Variants in SLC25A24 observed in about 807,000 individuals in gnomAD.
SLC25A24 encodes the protein solute carrier family 25 member 24, also known as mitochondrial adenyl nucleotide antiporter SLC25A24.
Under a neutral mutation model 60.7 loss-of-function variants are expected in SLC25A24, and 49 were observed. The ratio of observed to expected loss-of-function variants is 0.81; its 90% CI spans 0.64 to 1.02. The LOEUF (loss-of-function observed/expected upper bound fraction) is 1.02, where lower values mean the gene tolerates loss of function less well. Ranked by LOEUF, SLC25A24 falls within the 50% of genes least tolerant of loss-of-function variation. SLC25A24 has a pLI of 0.00. For missense variants in SLC25A24, 564 were observed against 586.3 expected (o/e 0.96, Z 0.39); for synonymous variants, 202 against 200.6 (o/e 1.01, Z -0.06).
chr1:108,199,737 C>A (rs571690711), intron 1 of SLC25A24: 2 of 590,410 alleles, frequency 3.4e-6, no homozygotes, highest in Non-Finnish European at 6.0e-6. Flanking sequence ...TTTATCTGGA[C>A]AAATACCAGT....
chr1:108,180,112 C>A lies in SLC25A24; in HGVS notation c.398+1829G>T, dbSNP rs532414436. Among the ~76,000 whole-genome samples the A allele has an allele frequency of 3.9e-5, 6 of 152,090 alleles. No individual in the cohort carries two copies. The South Asian group carries it at 1.2e-3, about 32-fold the overall frequency. On this transcript the variant is annotated intron_variant, in intron 3 of 9. Coordinates refer to ENST00000565488, the MANE Select transcript of SLC25A24 (RefSeq NM_013386.5). ...GGTGCGGTGGCTCACTTCTGTAATCCCAGCACTTTGGGAGGCCAAGATGGG... is the reference window on the plus strand; with the variant it reads ...GGTGCGGTGGCTCACTTCTGTAATCACAGCACTTTGGGAGGCCAAGATGGG...
chr1:108,190,189 G>A (rs547110284), intron 1 of SLC25A24, among the ~76,000 whole-genome samples: 156 of 152,270 alleles, frequency 1.0e-3, no homozygotes, highest in African/African-American at 3.7e-3. Flanking sequence ...GAGAAAAAGG[G>A]AAGGCTTCAG....
At chr1:108,186,208 A>G (rs1383325418) in intron 1 of SLC25A24, among the ~76,000 whole-genome samples, 2 of 152,230 alleles carry the variant, frequency 1.3e-5, no homozygotes, top group Admixed American at 1.3e-4. Flanking sequence ...TGACATTTTT[A>G]AAGCTAATCT....
At chr1:108,187,927 G>GATATAT (rs57513025) in intron 1 of SLC25A24, among the ~76,000 whole-genome samples, 3,191 of 95,772 alleles carry the variant, frequency 0.033, 182 homozygotes, top group Admixed American at 0.04. Context: ...AGACATTATA[G>GATATAT]ATATATATAT....
intron 7 of SLC25A24, among the ~76,000 whole-genome samples, chr1:108,147,066 C>T (rs1679623761): frequency 6.6e-6 from 1 of 152,094 alleles, no homozygotes; most frequent in Admixed American, 6.5e-5. Flanking sequence ...GGTTGGTAGG[C>T]TATTAATTAC....
Position 108,194,073 on chromosome 1 carries a change from C to T in SLC25A24, c.183+5883G>A, listed in dbSNP as rs1412722212. On this transcript the variant is annotated intron_variant, in intron 1 of 9. Transcript: ENST00000565488. Reference sequence around the variant, plus strand: ...CCCTAAAAAGTTGAATATTAAAATTCAAAAAGAAAATTTAATTTAGCCATT... The same window carrying T: ...CCCTAAAAAGTTGAATATTAAAATTTAAAAAGAAAATTTAATTTAGCCATT... Among the ~76,000 whole-genome samples the T allele has an allele frequency of 4.3e-5, 6 of 138,806 alleles. 1 individual carries two copies. Among genetic ancestry groups the T allele is most frequent in the African/African-American group, 1.3e-4 (5 of 39,976 alleles). 91.1% of individuals were successfully genotyped at this position (138,806 alleles called of 152,430 possible).
chr1:108,181,260 T>C (rs1417201784), intron 3 of SLC25A24, among the ~76,000 whole-genome samples: 2 of 151,628 alleles, frequency 1.3e-5, no homozygotes, highest in African/African-American at 4.9e-5. Context: ...ATGTGAGGAC[T>C]GAAAATATTC....
chr1:108,158,580 C>T (rs1235356234), intron 4 of SLC25A24, among the ~76,000 whole-genome samples: 1 of 151,838 alleles, frequency 6.6e-6, no homozygotes, highest in East Asian at 1.9e-4. Context: ...CACTAATCAC[C>T]AACAATTTTA....
At chr1:108,165,663 CTTTTA>C (rs1680231668) in intron 3 of SLC25A24, among the ~76,000 whole-genome samples, 1 of 152,076 alleles carries the variant, frequency 6.6e-6, no homozygotes, top group Non-Finnish European at 1.5e-5. Context: ...TTCCTCCATC[CTTTTA>C]TTTTGAGTCT....
chr1:108,140,870 G>C (rs898802736), intron 8 of SLC25A24, among the ~76,000 whole-genome samples: 15 of 150,632 alleles, frequency 1.0e-4, no homozygotes, highest in African/African-American at 3.6e-4. Flanking sequence ...AAGAGAGGAA[G>C]GGAAAAACAG....
At chr1:108,144,892 C>A (rs1043636950) in intron 7 of SLC25A24, among the ~76,000 whole-genome samples, 1 of 152,112 alleles carries the variant, frequency 6.6e-6, no homozygotes, top group Non-Finnish European at 1.5e-5. Context: ...AATAAATATA[C>A]GTGTGCATGT....
chr1:108,169,943 C>T (rs1005126457), intron 3 of SLC25A24, among the ~76,000 whole-genome samples: 1 of 152,002 alleles, frequency 6.6e-6, no homozygotes, highest in Non-Finnish European at 1.5e-5. Context: ...TTTTCTTCAT[C>T]AATCTTTCCA....
chr1:108,134,191 C>T lies in SLC25A24; in HGVS notation c.*2462G>A, dbSNP rs1288103893. On this transcript the variant is annotated 3_prime_UTR_variant, in exon 10 of 10. Coordinates refer to ENST00000565488, the MANE Select transcript of SLC25A24 (RefSeq NM_013386.5). ...CAGAGCTGCCTTGTGCAGCTGTGGACAGGGACAGGTGTGTGGGCAGGGAAC... is the reference window on the plus strand; with the variant it reads ...CAGAGCTGCCTTGTGCAGCTGTGGATAGGGACAGGTGTGTGGGCAGGGAAC... 1 of 152,178 alleles carries T rather than the reference C, an allele frequency of 6.6e-6. No homozygotes were observed. The highest frequency in any genetic ancestry group is 1.9e-4 in the East Asian group (1 of 5,192). The allele number at this position is 152,178 out of a possible 1,614,324, so 9.4% of individuals were successfully genotyped here. A position where few individuals can be genotyped will look rare whatever the true frequency, so the allele number is the denominator to read the frequency against.
chr1:108,143,771 A>G, intron 7 of SLC25A24, 61 bp from the exon 8 acceptor site: 2 of 1,315,752 alleles, frequency 1.5e-6, no homozygotes, highest in Non-Finnish European at 2.1e-6. Context: ...ATGGGATTCA[A>G]ATGAAGTAAT....
chr1:108,181,443 C>A (rs964633700), intron 3 of SLC25A24, among the ~76,000 whole-genome samples: 1 of 152,192 alleles, frequency 6.6e-6, no homozygotes, highest in African/African-American at 2.4e-5. Context: ...CTTAAATAGT[C>A]AAACTGATTG....
rs770811231 is a variant in SLC25A24 at position 108,143,581 on chromosome 1, T to A, written c.1060A>T (p.Ile354Phe). The change falls in exon 8 of 10, where the codon ATC becomes TTC. Residue 354 changes from isoleucine to phenylalanine, a missense_variant. Physicochemically the swap from Ile to Phe is conservative, Grantham distance 21. Coordinates refer to ENST00000565488, the MANE Select transcript of SLC25A24 (RefSeq NM_013386.5). The stretch of plus-strand genomic sequence containing the variant: ...AGATCTATGCCTGCATAAGGTATGA[T>A]ACCTAATAAATTGGGAACATAGCCT... ...YKGYVPNLLGIIPYAGIDLAV... is the reference protein window; with the variant it reads ...YKGYVPNLLGFIPYAGIDLAV... 3 of 1,613,818 alleles carry A rather than the reference T, an allele frequency of 1.9e-6. No homozygotes were observed. Among genetic ancestry groups the A allele is most frequent in the Non-Finnish European group, 2.5e-6 (3 of 1,179,796 alleles).
In SLC25A24 at chr1:108,134,366, T is replaced by A. The variant is rs559696027; in HGVS notation, c.*2287A>T. The stretch of plus-strand genomic sequence containing the variant: ...GCAGTCTTATGTTTTAATTTTTAAA[T>A]CAAATTTTGGATGTAATCTGCATTA... On this transcript the variant is annotated 3_prime_UTR_variant, in exon 10 of 10. Coordinates refer to ENST00000565488, the MANE Select transcript of SLC25A24 (RefSeq NM_013386.5). The A allele has an allele frequency of 3.3e-5, 5 of 152,362 alleles. No individual in the cohort carries two copies. The East Asian group carries it at 9.6e-4, about 29-fold the overall frequency. 9.4% of individuals were successfully genotyped at this position (152,362 alleles called of 1,614,324 possible). A position where few individuals can be genotyped will look rare whatever the true frequency, so the allele number is the denominator to read the frequency against.
At chr1:108,181,911 G>A (rs774250814) in intron 3 of SLC25A24, 30 bp downstream of exon 3, 2 of 1,494,368 alleles carry the variant, frequency 1.3e-6, no homozygotes, top group African/African-American at 2.8e-5. Flanking sequence ...TAAAGTGAAA[G>A]TCAATTGTTG....
chr1:108,152,643 G>A (rs764922314), intron 6 of SLC25A24, among the ~76,000 whole-genome samples: 8 of 152,192 alleles, frequency 5.3e-5, no homozygotes, highest in Non-Finnish European at 7.3e-5. Flanking sequence ...CACCACGCCC[G>A]GCTCCCCTTC....
Sources: gnomAD v4.1 joint callset for allele counts (sites outside exome capture counted in the v4.1 genomes callset) on GRCh38, gnomAD v4.1.1 for gene constraint, MANE v1.5 for transcripts, NCBI Gene and HGNC (gene_info 2026-07-23, HGNC 2026-07-21) for gene names.